Variants in CAB39L observed in about 807,000 individuals in gnomAD.
CAB39L encodes the protein calcium-binding protein 39-like.
A neutral mutation model predicts 39.1 loss-of-function variants in CAB39L; 23 were observed. The ratio of observed to expected loss-of-function variants is 0.59; its 90% CI spans 0.42 to 0.83. The LOEUF (loss-of-function observed/expected upper bound fraction) is 0.83, where lower values mean the gene tolerates loss of function less well. Among genes scored for constraint, CAB39L ranks in the 40% least tolerant of loss-of-function variants. The probability of loss-of-function intolerance (pLI) is 0.00; values close to 1 mark genes in which losing one functional copy is unlikely to be tolerated. For synonymous variants in CAB39L, 126 were observed against 137.2 expected (o/e 0.92, Z 0.57); for missense variants, 366 against 391.9 (o/e 0.93, Z 0.56).
At chr13:49,408,368 G>T (rs915475881) in intron 3 of CAB39L, among the ~76,000 whole-genome samples, 3 of 152,178 alleles carry the variant, frequency 2.0e-5, no homozygotes, top group Non-Finnish European at 4.4e-5. Flanking sequence ...TGCCAGCAAG[G>T]CTTCTGGATA....
intron 10 of CAB39L, among the ~76,000 whole-genome samples, chr13:49,326,736 G>A (rs919665392): frequency 7.9e-5 from 12 of 152,094 alleles, no homozygotes; most frequent in African/African-American, 2.2e-4. Context: ...GTAAACAAGC[G>A]GTCAACTATT....
chr13:49,326,312 T>C (rs1954495197), intron 10 of CAB39L, among the ~76,000 whole-genome samples: 1 of 152,224 alleles, frequency 6.6e-6, no homozygotes, highest in African/African-American at 2.4e-5. Flanking sequence ...ACTTCAGCAC[T>C]TTCATTTTGC....
intron 1 of CAB39L, among the ~76,000 whole-genome samples, chr13:49,435,650 A>C (rs1169452941): frequency 6.6e-6 from 1 of 152,080 alleles, no homozygotes; most frequent in African/African-American, 2.4e-5. Flanking sequence ...ATAGGTGCTC[A>C]CCATTACACC....
In CAB39L at chr13:49,321,163, C is replaced by T. The variant is rs184640300; in HGVS notation, c.835-10170G>A. 4.2e-3 allele frequency among the ~76,000 whole-genome samples: 638 copies of T among 152,326 alleles called. 4 individuals are homozygous for T. The highest frequency in any genetic ancestry group is 0.015 in the African/African-American group (618 of 41,562). On this transcript the variant is annotated intron_variant, in intron 10 of 10. Coordinates refer to ENST00000409308, the MANE Select transcript of CAB39L (RefSeq NM_001079670.3). ...TAAAAAAATCACTGACATAATTCCTCCACCCAGAGATAACCCCTGTGAATA... is the reference window on the plus strand; with the variant it reads ...TAAAAAAATCACTGACATAATTCCTTCACCCAGAGATAACCCCTGTGAATA...
chr13:49,421,447 C>T lies in CAB39L; in HGVS notation c.-32+11871G>A, dbSNP rs115861323. Among the ~76,000 whole-genome samples, 951 of 152,276 alleles carry T rather than the reference C, an allele frequency of 6.2e-3. 14 individuals are homozygous for T. Among genetic ancestry groups the T allele is most frequent in the African/African-American group, 0.022 (908 of 41,564 alleles). On this transcript the variant is annotated intron_variant, in intron 3 of 10. Transcript: ENST00000409308. ...GGGGAAAGTTGGGACATTCATCCCC[C>T]TTGAGCATGATCTAATATCCCCCTT...
At chr13:49,335,032 A>T (rs1341669646) in intron 9 of CAB39L, among the ~76,000 whole-genome samples, 1 of 152,214 alleles carries the variant, frequency 6.6e-6, no homozygotes, top group Non-Finnish European at 1.5e-5. Context: ...TGTGACAGAG[A>T]GATAGTATTA....
At chr13:49,416,558 G>A (rs1458563777) in intron 3 of CAB39L, among the ~76,000 whole-genome samples, 1 of 152,102 alleles carries the variant, frequency 6.6e-6, no homozygotes, top group Admixed American at 6.6e-5. Flanking sequence ...TCTTCCCCTG[G>A]ACCTGTAGGC....
intron 1 of CAB39L, among the ~76,000 whole-genome samples, chr13:49,440,431 G>A (rs988890161): frequency 2.6e-5 from 4 of 151,958 alleles, no homozygotes; most frequent in Admixed American, 6.6e-5. Context: ...TAATTTCTGG[G>A]CTCTCTATTC....
intron 6 of CAB39L, among the ~76,000 whole-genome samples, chr13:49,352,479 C>A (rs1032571365): frequency 1.3e-5 from 2 of 151,858 alleles, no homozygotes; most frequent in Non-Finnish European, 2.9e-5. Flanking sequence ...TCTGGTGGGG[C>A]GTGACTGCTC....
At chr13:49,344,118 A>C in intron 8 of CAB39L, 61 bp downstream of exon 8, 1 of 970,190 alleles carries the variant, frequency 1.0e-6, no homozygotes, top group Non-Finnish European at 1.7e-6. Flanking sequence ...GCAATTGCTC[A>C]TAGATCTAAA....
At chr13:49,380,565 T>C (rs920611167) in intron 4 of CAB39L, among the ~76,000 whole-genome samples, 1 of 152,176 alleles carries the variant, frequency 6.6e-6, no homozygotes, top group Non-Finnish European at 1.5e-5. Flanking sequence ...ATGAAAATGT[T>C]CTAGAATTAG....
chr13:49,378,201 C>T (rs2138573154), intron 4 of CAB39L, among the ~76,000 whole-genome samples: 1 of 90,682 alleles, frequency 1.1e-5, no homozygotes, highest in Admixed American at 9.1e-5. Context: ...GCCCGGCAGC[C>T]ACCCCATCTG....
intron 3 of CAB39L, among the ~76,000 whole-genome samples, chr13:49,427,194 A>G (rs771550130): frequency 7.2e-5 from 11 of 152,132 alleles, no homozygotes; most frequent in Non-Finnish European, 1.3e-4. Context: ...TTATGCTACT[A>G]TATTAGAAGG....
At chr13:49,359,511 A>G (rs1472866315) in intron 6 of CAB39L, among the ~76,000 whole-genome samples, 9 of 152,210 alleles carry the variant, frequency 5.9e-5, no homozygotes, top group African/African-American at 1.9e-4. Context: ...TGGAAACATA[A>G]CATTTAGAAA....
chr13:49,356,529 A>T (rs1400993143), intron 6 of CAB39L, among the ~76,000 whole-genome samples: 5 of 152,204 alleles, frequency 3.3e-5, no homozygotes, highest in African/African-American at 7.2e-5. Flanking sequence ...TTAATACCAC[A>T]TATCCAGATA....
chr13:49,422,701 G>A (rs572343958), intron 3 of CAB39L, among the ~76,000 whole-genome samples: 60 of 151,504 alleles, frequency 4.0e-4, no homozygotes, highest in African/African-American at 1.5e-3. Context: ...TCCCACCTCA[G>A]CCTCCTGAAT....
chr13:49,369,266 TA>T (rs1209096702), intron 5 of CAB39L, among the ~76,000 whole-genome samples: 1 of 152,252 alleles, frequency 6.6e-6, no homozygotes, highest in Non-Finnish European at 1.5e-5. Context: ...CATAAATGGT[TA>T]ACGGCAGCTT....
intron 4 of CAB39L, among the ~76,000 whole-genome samples, chr13:49,381,961 T>C (rs146411228): frequency 6.6e-6 from 1 of 152,342 alleles, no homozygotes; most frequent in East Asian, 1.9e-4. Context: ...TCAATGTATA[T>C]GTCATCATCC....
intron 3 of CAB39L, among the ~76,000 whole-genome samples, chr13:49,428,193 T>C (rs1418486946): frequency 6.6e-6 from 1 of 152,196 alleles, no homozygotes; most frequent in Non-Finnish European, 1.5e-5. Flanking sequence ...GAGTCAGGAA[T>C]CCAGGAGTAG....
Sources: allele counts gnomAD v4.1 joint callset (sites outside exome capture counted in the v4.1 genomes callset), GRCh38; gene constraint gnomAD v4.1.1; transcripts MANE v1.5; gene names NCBI Gene and HGNC (gene_info 2026-07-23, HGNC 2026-07-21).